DIAPH2: variants seen among roughly 807,000 people sequenced by gnomAD.
DIAPH2 encodes diaphanous related formin 2.
Under a neutral mutation model 92.7 loss-of-function variants are expected in DIAPH2, and 35 were observed. The observed-to-expected ratio is 0.38, with a 90% CI of 0.29 to 0.50. The LOEUF is 0.50. DIAPH2 is among the 20% of genes least tolerant of loss of function. The probability of loss-of-function intolerance (pLI) is 0.94; values close to 1 mark genes in which losing one functional copy is unlikely to be tolerated. For missense variants in DIAPH2, 701 were observed against 819.5 expected (o/e 0.86, Z 1.77); for synonymous variants, 301 against 280.4 (o/e 1.07, Z -0.73).
At chrX:97,440,528 G>T (rs1427266995) in intron 26 of DIAPH2, among the ~76,000 whole-genome samples, 1 of 105,800 alleles carries the variant, frequency 9.5e-6, no homozygotes, top group Non-Finnish European at 1.9e-5. Flanking sequence ...GGAGGTGGAG[G>T]TTGCAGTGAG....
intron 1 of DIAPH2, among the ~76,000 whole-genome samples, chrX:96,718,355 T>G (rs1187990961): frequency 4.2e-5 from 3 of 72,116 alleles, no homozygotes; most frequent in African/African-American, 1.6e-4. Flanking sequence ...TTTTTTTTTT[T>G]TTTTTTTTTT....
At chrX:96,746,834 G>T (rs1004214334) in intron 3 of DIAPH2, among the ~76,000 whole-genome samples, 1 of 111,426 alleles carries the variant, frequency 9.0e-6, no homozygotes, top group African/African-American at 3.3e-5. Flanking sequence ...ACTGTACCCA[G>T]CCTATATTTA....
intron 4 of DIAPH2, among the ~76,000 whole-genome samples, chrX:96,818,576 G>T (rs1752130532): frequency 8.9e-6 from 1 of 111,916 alleles, no homozygotes; most frequent in Non-Finnish European, 1.9e-5. Flanking sequence ...AAATTATTCA[G>T]ATCATCAGTC....
intron 1 of DIAPH2, among the ~76,000 whole-genome samples, chrX:96,704,971 G>GTTT (rs397896760): frequency 1.5e-3 from 126 of 84,525 alleles, no homozygotes; most frequent in East Asian, 6.2e-3. Flanking sequence ...AAAACAGAGG[G>GTTT]TTTTTTTTTT....
intron 25 of DIAPH2, among the ~76,000 whole-genome samples, chrX:97,392,196 A>T (rs187116762): frequency 1.8e-4 from 20 of 111,719 alleles, no homozygotes; most frequent in Admixed American, 2.9e-4. Flanking sequence ...CCTCATGTGT[A>T]ATATAGGATA....
chrX:97,472,540 A>C (rs1219918344), intron 26 of DIAPH2, among the ~76,000 whole-genome samples: 1 of 112,661 alleles, frequency 8.9e-6, no homozygotes, highest in Non-Finnish European at 1.9e-5. Context: ...TGGGTCACAC[A>C]GGGATTTTTA....
At chrX:97,529,935 CTGTT>C (rs1414840811) in intron 26 of DIAPH2, among the ~76,000 whole-genome samples, 1 of 112,104 alleles carries the variant, frequency 8.9e-6, no homozygotes, top group Non-Finnish European at 1.9e-5. Context: ...GACAAAAAGT[CTGTT>C]TGAAGGCATT....
chrX:96,698,478 G>A (rs2063836919), intron 1 of DIAPH2, among the ~76,000 whole-genome samples: 1 of 111,095 alleles, frequency 9.0e-6, no homozygotes, highest in Non-Finnish European at 1.9e-5. Flanking sequence ...AGAAAGTGTT[G>A]TGACAAACTA....
chrX:97,171,733 G>A (rs958455249), intron 22 of DIAPH2, among the ~76,000 whole-genome samples: 2 of 111,851 alleles, frequency 1.8e-5, no homozygotes, highest in African/African-American at 3.3e-5. Context: ...AAGGTCAGGA[G>A]ATCGAGACCA....
In DIAPH2 at chrX:96,758,184, G is replaced by A. The variant is rs1324641744; in HGVS notation, c.373G>A (p.Ala125Thr). 19 of 1,205,509 alleles carry A rather than the reference G, an allele frequency of 1.6e-5. No homozygotes were observed. Among genetic ancestry groups the A allele is most frequent in the Non-Finnish European group, 2.0e-5 (18 of 893,041 alleles). ...CATGAACCTTAACGAAGAGAAAAAA[G>A]CTCCTTTACGAAACAAAGACTTTAC... ...EDMNLNEEKK[A>T]PLRNKDFTTK... Residue 125 changes from alanine to threonine, a missense_variant, in exon 4 of 27, where the codon GCT (alanine) becomes ACT (threonine). By Grantham distance (58) the Ala-to-Thr change is moderately conservative (BLOSUM62 0). Around this residue, in one of 3 missense-constraint regions of DIAPH2, gnomAD observed 131 missense variants for 145.6 expected, o/e 0.90. Transcript: ENST00000324765.
At chrX:97,146,246 A>C (rs1431838184) in intron 22 of DIAPH2, among the ~76,000 whole-genome samples, 1 of 109,372 alleles carries the variant, frequency 9.1e-6, no homozygotes. Flanking sequence ...AAAAAACAAA[A>C]ATAGGTCAAC....
At chrX:97,337,708 G>A (rs1440476263) in intron 23 of DIAPH2, among the ~76,000 whole-genome samples, 1 of 110,445 alleles carries the variant, frequency 9.1e-6, no homozygotes, top group African/African-American at 3.3e-5. Flanking sequence ...GTAAAAGTGA[G>A]GTGACTGATT....
rs181257411 is a variant in DIAPH2, at chrX:97,019,623, A to G, written c.2051-53318A>G. On this transcript the variant is annotated intron_variant, in intron 17 of 26. Coordinates refer to ENST00000324765, the MANE Select transcript of DIAPH2 (RefSeq NM_006729.5). ...ATTCTACATATATGGATGGAATTCT[A>G]ATATATATACGGAATATATATATTC... Among the ~76,000 whole-genome samples, 94 of 110,904 alleles carry G rather than the reference A, an allele frequency of 8.5e-4. No individual in the cohort carries two copies. The Middle Eastern group carries it at 0.014, about 17-fold the overall frequency.
rs192610249 is a variant in DIAPH2 at position 96,959,009 on chromosome X, C to A, written c.1935+861C>A. On this transcript the variant is annotated intron_variant, in intron 16 of 26. Transcript: ENST00000324765. The stretch of plus-strand genomic sequence containing the variant: ...ATGGACACTTAGCTTGATTTCATAT[C>A]TTGATTTCATATCTTTGCCATTGTG... Among the ~76,000 whole-genome samples, 278 of 111,398 alleles carry A rather than the reference C, an allele frequency of 2.5e-3. 1 individual carries two copies. The highest frequency in any genetic ancestry group is 4.0e-3 in the Non-Finnish European group (212 of 52,899).
At position 96,708,316 on chromosome X, in the gene DIAPH2, C is replaced by T. The variant is rs1233637168; in HGVS notation, c.132+23126C>T. On this transcript the variant is annotated intron_variant, in intron 1 of 26. Coordinates refer to ENST00000324765, the MANE Select transcript of DIAPH2 (RefSeq NM_006729.5). ...GGAGTGCAGTGGCGTGATCTTGGCT[C>T]ACTGCAACCTCCGCCTCCCGGGTTC... 3.0e-5 allele frequency among the ~76,000 whole-genome samples: 3 copies of T among 98,482 alleles called. No homozygotes were observed. In the Admixed American group the frequency reaches 3.7e-4, roughly 12 times the overall value. The allele number at this position is 98,482 out of a possible 115,157, so 85.5% of individuals were successfully genotyped here. A position where few individuals can be genotyped will look rare whatever the true frequency, so the allele number is the denominator to read the frequency against.
intron 25 of DIAPH2, among the ~76,000 whole-genome samples, chrX:97,401,257 G>A (rs761494809): frequency 9.1e-6 from 1 of 110,086 alleles, no homozygotes; most frequent in East Asian, 2.8e-4. Flanking sequence ...CATTCCTATT[G>A]TCCCATCTCA....
chrX:97,076,403 G>A (rs1016579135), intron 19 of DIAPH2, among the ~76,000 whole-genome samples: 6 of 110,652 alleles, frequency 5.4e-5, no homozygotes, highest in East Asian at 2.9e-4. Flanking sequence ...GTGGTGGTGC[G>A]CATCTGTAAT....
At chrX:97,590,729 A>G (rs2071511539) in intron 26 of DIAPH2, among the ~76,000 whole-genome samples, 1 of 111,570 alleles carries the variant, frequency 9.0e-6, no homozygotes, top group Non-Finnish European at 1.9e-5. Flanking sequence ...GGTTATTGCA[A>G]TCTATGCCTT....
At chrX:97,102,691 G>A (rs1426240511) in intron 20 of DIAPH2, among the ~76,000 whole-genome samples, 1 of 111,855 alleles carries the variant, frequency 8.9e-6, no homozygotes, top group Non-Finnish European at 1.9e-5. Context: ...TGTAATCCCA[G>A]CACTTTGGGA....
Sources: gnomAD v4.1 joint callset for allele counts (sites outside exome capture counted in the v4.1 genomes callset) on GRCh38, gnomAD v4.1.1 for gene constraint, gnomAD v4.1.1 regional missense constraint, MANE v1.5 for transcripts, NCBI Gene and HGNC (gene_info 2026-07-23, HGNC 2026-07-21) for gene names.